Variants in FYB2 observed in about 807,000 individuals in gnomAD.
FYB2 encodes the protein FYN-binding protein 2.
A neutral mutation model predicts 94.1 loss-of-function variants in FYB2; 103 were observed. The ratio of observed to expected loss-of-function variants is 1.09; its 90% CI spans 0.93 to 1.29. The LOEUF is 1.29. Ranked by LOEUF, FYB2 falls within the 50% of genes most tolerant of loss-of-function variation. FYB2 has a pLI of 0.00. For synonymous variants in FYB2, 293 were observed against 287.9 expected (o/e 1.02, Z -0.18); for missense variants, 896 against 841.5 (o/e 1.06, Z -0.80).
intron 6 of FYB2, among the ~76,000 whole-genome samples, chr1:56,757,702 C>T (rs535591278): frequency 7.4e-5 from 6 of 81,250 alleles, no homozygotes; most frequent in Non-Finnish European, 9.3e-5. Flanking sequence ...TTCTTTCTTT[C>T]TTTCTTTCTT....
chr1:56,729,501 C>G (rs1644657116), intron 15 of FYB2, among the ~76,000 whole-genome samples: 1 of 152,074 alleles, frequency 6.6e-6, no homozygotes, highest in Admixed American at 6.6e-5. Flanking sequence ...GGACCCAACA[C>G]TGGAGCACCC....
At chr1:56,814,894 A>T (rs1646846682) in intron 1 of FYB2, among the ~76,000 whole-genome samples, 1 of 152,178 alleles carries the variant, frequency 6.6e-6, no homozygotes, top group African/African-American at 2.4e-5. Context: ...AGACATTTAG[A>T]CCTGGGTTCT....
chr1:56,739,722 CA>C (rs1644907673), intron 13 of FYB2, among the ~76,000 whole-genome samples: 1 of 152,030 alleles, frequency 6.6e-6, no homozygotes, highest in Non-Finnish European at 1.5e-5. Flanking sequence ...TTTCCACTTT[CA>C]GTACAGTATT....
At chr1:56,811,194 GAT>G (rs1345988734) in intron 1 of FYB2, among the ~76,000 whole-genome samples, 5 of 152,174 alleles carry the variant, frequency 3.3e-5, no homozygotes, top group Non-Finnish European at 7.3e-5. Context: ...GTAGCACTGG[GAT>G]TCAAACCCAG....
At chr1:56,752,997 C>T (rs1264360972) in intron 8 of FYB2, among the ~76,000 whole-genome samples, 1 of 152,082 alleles carries the variant, frequency 6.6e-6, no homozygotes, top group Admixed American at 6.6e-5. Context: ...GCAACTTACT[C>T]CATCCTTTGA....
intron 9 of FYB2, among the ~76,000 whole-genome samples, chr1:56,745,674 T>G (rs1645051492): frequency 6.6e-6 from 1 of 152,064 alleles, no homozygotes; most frequent in Non-Finnish European, 1.5e-5. Context: ...CATTTTATTT[T>G]CAAGACAGAA....
chr1:56,825,528 G>T, the FYB2 span, among the ~76,000 whole-genome samples: 1 of 152,056 alleles, frequency 6.6e-6, no homozygotes, highest in African/African-American at 2.4e-5. Context: ...TACACAGCGG[G>T]GAACAAAATT....
At chr1:56,799,368 T>C (rs962028807) in intron 1 of FYB2, among the ~76,000 whole-genome samples, 4 of 152,210 alleles carry the variant, frequency 2.6e-5, no homozygotes, top group Non-Finnish European at 5.9e-5. Context: ...ACATTTACTT[T>C]AGAGATTATG....
At chr1:56,783,745 AT>A (rs1159322295) in intron 4 of FYB2, among the ~76,000 whole-genome samples, 1 of 152,132 alleles carries the variant, frequency 6.6e-6, no homozygotes, top group Non-Finnish European at 1.5e-5. Flanking sequence ...ACACTGCTAT[AT>A]TTTCAATGTA....
chr1:56,772,412 C>T (rs2100840818), intron 4 of FYB2, among the ~76,000 whole-genome samples: 1 of 152,190 alleles, frequency 6.6e-6, no homozygotes, highest in South Asian at 2.1e-4. Flanking sequence ...TTTTAACCTC[C>T]TTTTTTGTTA....
rs10574325 is a variant in FYB2, at chr1:56,811,755, C to CCAAA, written c.9+7523_9+7526dup. ...TTGGAGAAAAGGTTGTTGTAATGGA[C>CCAAA]CAAACAAACAAACAAACAAACAAAC... On this transcript the variant is annotated intron_variant, in intron 1 of 19. Coordinates refer to ENST00000343433, the MANE Select transcript of FYB2 (RefSeq NM_001004303.5). 4.9e-3 allele frequency among the ~76,000 whole-genome samples: 710 copies of CCAAA among 144,810 alleles called. 2 individuals are homozygous for CCAAA. The highest frequency in any genetic ancestry group is 0.01 in the Middle Eastern group (3 of 288).
chr1:56,820,474 T>G (rs1203977376), upstream of FYB2, among the ~76,000 whole-genome samples: 1 of 152,214 alleles, frequency 6.6e-6, no homozygotes, highest in Non-Finnish European at 1.5e-5. Context: ...GCAGAGTGGG[T>G]GGCCTGCGCC....
chr1:56,793,640 C>T (rs889035443), intron 1 of FYB2, among the ~76,000 whole-genome samples: 4 of 150,206 alleles, frequency 2.7e-5, no homozygotes, highest in African/African-American at 9.8e-5. Flanking sequence ...TGTTCACTAC[C>T]TAGGTGATGG....
At chr1:56,752,675 C>A (rs1367265846) in intron 8 of FYB2, among the ~76,000 whole-genome samples, 1 of 152,066 alleles carries the variant, frequency 6.6e-6, no homozygotes, top group Non-Finnish European at 1.5e-5. Context: ...ATAATGAAAG[C>A]AGCCCCTCAT....
chr1:56,788,735 TC>T, intron 3 of FYB2: 1 of 543,488 alleles, frequency 1.8e-6, no homozygotes, highest in South Asian at 2.2e-5. Flanking sequence ...TTGGACAGAT[TC>T]CCAGTGATCA....
At chr1:56,725,507 A>G (rs961060284) in intron 16 of FYB2, among the ~76,000 whole-genome samples, 4 of 152,070 alleles carry the variant, frequency 2.6e-5, no homozygotes, top group Admixed American at 1.3e-4. Context: ...ATTTGTAGTT[A>G]TCAACATACT....
intron 14 of FYB2, among the ~76,000 whole-genome samples, chr1:56,737,870 A>G (rs1314547234): frequency 6.6e-6 from 1 of 152,106 alleles, no homozygotes; most frequent in Non-Finnish European, 1.5e-5. Flanking sequence ...TCTTTTAAAC[A>G]CAGACCAAGG....
At position 56,744,015 on chromosome 1, in the gene FYB2, C is replaced by T. The variant is rs751922968; in HGVS notation, c.1543+11G>A. The T allele has an allele frequency of 9.9e-6, 16 of 1,611,288 alleles. No homozygotes were observed. The African/African-American group carries it at 1.3e-4, about 13-fold the overall frequency. The stretch of plus-strand genomic sequence containing the variant: ...CTACTGGCAACTTCAGAAATGTCTT[C>T]CTATACTTACCACTACTTGAGGCAA... On this transcript the variant is annotated intron_variant, in intron 11 of 19. Coordinates refer to ENST00000343433, the MANE Select transcript of FYB2 (RefSeq NM_001004303.5).
intron 3 of FYB2, 194 bp downstream of exon 3, chr1:56,788,779 T>A (rs1189169980): frequency 1.4e-6 from 1 of 701,712 alleles, no homozygotes; most frequent in Non-Finnish European, 2.4e-6. Context: ...TGGGCTGGTC[T>A]AGGAGCGATA....
Sources: allele counts gnomAD v4.1 joint callset (sites outside exome capture counted in the v4.1 genomes callset), GRCh38; gene constraint gnomAD v4.1.1; transcripts MANE v1.5; gene names NCBI Gene and HGNC (gene_info 2026-07-23, HGNC 2026-07-21).